ITGA1: variants seen among roughly 807,000 people sequenced by gnomAD.
ITGA1 encodes the protein integrin subunit alpha 1.
In ITGA1, 85 loss-of-function variants were observed where a neutral mutation model predicts 145.9. That is an observed-to-expected ratio of 0.58 (90% CI 0.49 to 0.70). The LOEUF (loss-of-function observed/expected upper bound fraction) is 0.70, where lower values mean the gene tolerates loss of function less well. ITGA1 is among the 30% of genes least tolerant of loss of function. ITGA1 has a pLI of 0.00. For missense variants in ITGA1, 1,351 were observed against 1,418.7 expected (o/e 0.95, Z 0.77); for synonymous variants, 520 against 495.3 (o/e 1.05, Z -0.66).
chr5:52,953,218 C>T lies in ITGA1; in HGVS notation c.*767C>T, dbSNP rs1469277344. The T allele has an allele frequency of 1.3e-5, 2 of 152,132 alleles. No homozygotes were observed. 9.4% of individuals were successfully genotyped at this position (152,132 alleles called of 1,614,324 possible). On this transcript the variant is annotated 3_prime_UTR_variant, in exon 29 of 29. Coordinates refer to ENST00000282588, the MANE Select transcript of ITGA1 (RefSeq NM_181501.2). ...AAAACTCTTTTATACTGAAAAAACA[C>T]TTAAAGTAGTTTTGTGTGGCATCAC...
chr5:52,913,191 A>G (rs1750594729), intron 14 of ITGA1, among the ~76,000 whole-genome samples: 1 of 152,182 alleles, frequency 6.6e-6, no homozygotes, highest in Non-Finnish European at 1.5e-5. Flanking sequence ...AGAATGGGAC[A>G]TTTAGTGTGT....
At chr5:52,791,182 G>A (rs1008130976) in intron 1 of ITGA1, among the ~76,000 whole-genome samples, 1 of 152,184 alleles carries the variant, frequency 6.6e-6, no homozygotes, top group Non-Finnish European at 1.5e-5. Context: ...AGCATAAACT[G>A]ATGTCACATA....
At chr5:52,948,765 T>C (rs1362731258) in intron 28 of ITGA1, 1 of 152,216 alleles carries the variant, frequency 6.6e-6, no homozygotes, top group Non-Finnish European at 1.5e-5. Flanking sequence ...GCACCTCTAA[T>C]AGAGAGTGTT....
At chr5:52,826,316 G>A (rs948818689) in intron 1 of ITGA1, among the ~76,000 whole-genome samples, 3 of 152,338 alleles carry the variant, frequency 2.0e-5, no homozygotes, top group Non-Finnish European at 2.9e-5. Flanking sequence ...TGAGAGAGGG[G>A]TGGAAGCTGC....
intron 27 of ITGA1, among the ~76,000 whole-genome samples, chr5:52,945,760 GC>G (rs1751125932): frequency 6.6e-6 from 1 of 152,186 alleles, no homozygotes; most frequent in Non-Finnish European, 1.5e-5. Flanking sequence ...CAATTTGGAA[GC>G]TCCCTAACTT....
At chr5:52,906,527 T>C (rs1255413321) in intron 12 of ITGA1, among the ~76,000 whole-genome samples, 1 of 152,194 alleles carries the variant, frequency 6.6e-6, no homozygotes, top group East Asian at 1.9e-4. Flanking sequence ...ATATAAAAAC[T>C]GAAAGAAACA....
At chr5:52,871,240 A>G (rs1749771355) in intron 6 of ITGA1, among the ~76,000 whole-genome samples, 1 of 152,178 alleles carries the variant, frequency 6.6e-6, no homozygotes, top group African/African-American at 2.4e-5. Context: ...TTCCCAACCT[A>G]CAAATACAGC....
At chr5:52,907,564 T>C (rs931766650) in intron 12 of ITGA1, among the ~76,000 whole-genome samples, 10 of 152,238 alleles carry the variant, frequency 6.6e-5, no homozygotes, top group African/African-American at 2.4e-4. Flanking sequence ...GGTGGCTCCA[T>C]GATTAGAATG....
At chr5:52,851,020 AAC>A (rs2111754259) in intron 2 of ITGA1, among the ~76,000 whole-genome samples, 1 of 152,324 alleles carries the variant, frequency 6.6e-6, no homozygotes, top group South Asian at 2.1e-4. Context: ...ACTTTACATA[AAC>A]ACATATAAAA....
chr5:52,915,388 T>A (rs1258805559), intron 14 of ITGA1, 76 bp from the exon 15 acceptor site: 2 of 1,466,914 alleles, frequency 1.4e-6, no homozygotes, highest in Admixed American at 3.9e-5. Flanking sequence ...TTAAACAATT[T>A]AAATTCTCAG....
At chr5:52,801,534 G>T (rs765470395) in intron 1 of ITGA1, 2 of 1,614,182 alleles carry the variant, frequency 1.2e-6, no homozygotes, top group Non-Finnish European at 1.7e-6. Context: ...TCTATAAAAT[G>T]TTACAGCATG....
At chr5:52,947,540 C>A in intron 28 of ITGA1, 79 bp downstream of exon 28, 1 of 820,226 alleles carries the variant, frequency 1.2e-6, no homozygotes, top group Non-Finnish European at 2.1e-6. Context: ...TATATTCAGA[C>A]TATGTAATAT....
chr5:52,864,291 C>A (rs1749650993), intron 3 of ITGA1, among the ~76,000 whole-genome samples: 1 of 152,102 alleles, frequency 6.6e-6, no homozygotes, highest in Non-Finnish European at 1.5e-5. Flanking sequence ...CTTTGTCACC[C>A]AAAGGATGTC....
chr5:52,801,393 G>GT, intron 1 of ITGA1: 1 of 1,597,304 alleles, frequency 6.3e-7, no homozygotes, highest in Non-Finnish European at 8.6e-7. Context: ...CCTAACTTTT[G>GT]TAATTGTGAT....
At chr5:52,832,817 T>C (rs1484726314) in intron 1 of ITGA1, among the ~76,000 whole-genome samples, 2 of 91,084 alleles carry the variant, frequency 2.2e-5, no homozygotes, top group Admixed American at 2.3e-4. Context: ...GTGTGTCTTC[T>C]GGTGCTATTT....
chr5:52,838,247 C>T (rs1483145910), intron 1 of ITGA1, among the ~76,000 whole-genome samples: 3 of 152,096 alleles, frequency 2.0e-5, no homozygotes, highest in East Asian at 1.9e-4. Flanking sequence ...GTTTAAGTGG[C>T]AGTGTATGAT....
chr5:52,788,139 C>T lies in ITGA1; in HGVS notation c.-215C>T. ...GCGAAGGGGCGGGCGATGTGGCAAT[C>T]CGTCTGGGATGTGAAAAGCGTGGAG... On this transcript the variant is annotated 5_prime_UTR_variant, in exon 1 of 29. Coordinates refer to ENST00000282588, the MANE Select transcript of ITGA1 (RefSeq NM_181501.2). 2.3e-6 allele frequency: 1 copy of T among 434,922 alleles called. No individual in the cohort carries two copies. Among genetic ancestry groups the T allele is most frequent in the Non-Finnish European group, 4.1e-6 (1 of 244,548 alleles). 26.9% of individuals were successfully genotyped at this position (434,922 alleles called of 1,614,324 possible). A position where few individuals can be genotyped will look rare whatever the true frequency, so the allele number is the denominator to read the frequency against.
In ITGA1 at chr5:52,832,510, T is replaced by C. The variant is rs111866342; in HGVS notation, c.62-16855T>C. ...GTCTCATCCCTTCTACCCATAAGAT[T>C]CTATGATTTATCACTAAAACAATCA... On this transcript the variant is annotated intron_variant, in intron 1 of 28. Coordinates refer to ENST00000282588, the MANE Select transcript of ITGA1 (RefSeq NM_181501.2). Among the ~76,000 whole-genome samples, 136 of 152,310 alleles carry C rather than the reference T, an allele frequency of 8.9e-4. 1 individual carries two copies. The highest frequency in any genetic ancestry group is 3.0e-3 in the African/African-American group (123 of 41,570).
intron 1 of ITGA1, chr5:52,825,173 T>C (rs1748940480): frequency 6.6e-6 from 1 of 152,224 alleles, no homozygotes; most frequent in Non-Finnish European, 1.5e-5. Flanking sequence ...CCGCTTTAAA[T>C]AATATTTCAT....
Sources: gnomAD v4.1 joint callset for allele counts (sites outside exome capture counted in the v4.1 genomes callset) on GRCh38, gnomAD v4.1.1 for gene constraint, MANE v1.5 for transcripts, NCBI Gene and HGNC (gene_info 2026-07-23, HGNC 2026-07-21) for gene names.